ACAP3: variants seen among roughly 807,000 people sequenced by gnomAD.
ACAP3 encodes arf-GAP with coiled-coil, ANK repeat and PH domain-containing protein 3.
A neutral mutation model predicts 104.1 loss-of-function variants in ACAP3; 56 were observed. The ratio of observed to expected loss-of-function variants is 0.54; its 90% CI spans 0.43 to 0.67. The LOEUF is 0.67. Among genes scored for constraint, ACAP3 ranks in the 30% least tolerant of loss-of-function variants. The pLI, the probability that ACAP3 is intolerant of heterozygous loss-of-function variation, is 0.00. For missense variants in ACAP3, 1,208 were observed against 1,174.9 expected, an observed-to-expected ratio of 1.03 and a Z score of -0.41; for synonymous variants, 628 against 496.2, an observed-to-expected ratio of 1.27 and a Z score of -3.53.
At chr1:1,294,672 CCAGGGGCTGGG>C (rs763875739) in intron 20 of ACAP3, 35 bp downstream of exon 20, 114 of 1,543,678 alleles carry the variant, frequency 7.4e-5, no homozygotes, top group Non-Finnish European at 9.7e-5. Flanking sequence ...CCGGGGCTGC[CCAGGGGCTGGG>C]CAGGGGCCTC....
At chr1:1,295,306 C>T in intron 19 of ACAP3, 141 bp downstream of exon 19, 9 of 718,200 alleles carry the variant, frequency 1.3e-5, no homozygotes, top group Non-Finnish European at 2.1e-5. Flanking sequence ...GGGCCTTGGC[C>T]TCCAGCTGTG....
At position 1,296,298 on chromosome 1, in the gene ACAP3, G is replaced by A. The variant is rs1641146830; in HGVS notation, c.1338-18C>T. 6.4e-7 allele frequency: 1 copy of A among 1,552,706 alleles called. No individual in the cohort carries two copies. Among genetic ancestry groups the A allele is most frequent in the Non-Finnish European group, 8.7e-7 (1 of 1,148,412 alleles). On this transcript the variant is annotated intron_variant, in intron 15 of 23. Transcript: ENST00000354700. ...CCAGGCTCCTGGAGAGCAGAGGTAG[G>A]GATGAGTCTGGGGGAGGCAAGGCCC...
intron 5 of ACAP3, 83 bp from the exon 6 acceptor site, chr1:1,300,775 GTTTT>G: frequency 6.9e-7 from 1 of 1,449,696 alleles, no homozygotes; most frequent in Non-Finnish European, 9.4e-7. Flanking sequence ...TTGTTTGTGT[GTTTT>G]TTGTTTTTTG....
Position 1,295,528 on chromosome 1 carries a change from G to A in ACAP3, c.1732C>T (p.Arg578Ter). ...SVGTLDRKFR[R>*]DSLFCPDELD... ...TCGTCGGGACAGAAGAGGGAGTCTC[G>A]GCGGAACTTACGATCCAGGGTGCCC... Residue 578 changes from arginine to a stop codon, truncating the protein, a stop_gained, in exon 19 of 24, where the codon CGA (arginine) becomes TGA (stop). Transcript: ENST00000354700. LOFTEE classifies it high-confidence loss of function. The A allele has an allele frequency of 3.7e-6, 6 of 1,612,618 alleles. No individual in the cohort carries two copies. The highest frequency in any genetic ancestry group is 5.1e-6 in the Non-Finnish European group (6 of 1,179,880).
chr1:1,301,258 CT>C (rs869238177), intron 5 of ACAP3, among the ~76,000 whole-genome samples: 4,502 of 105,406 alleles, frequency 0.043, 85 homozygotes, highest in Admixed American at 0.11. Context: ...TTGGGGGTGT[CT>C]TTTTTTTTTT....
At chr1:1,295,288 G>C (rs1570631173) in intron 19 of ACAP3, among the ~76,000 whole-genome samples, 159 bp downstream of exon 19, 1 of 151,988 alleles carries the variant, frequency 6.6e-6, no homozygotes, top group Non-Finnish European at 1.5e-5. Flanking sequence ...GCTCACCCCT[G>C]ACAGTCAGGG....
rs1043254291 is a variant in ACAP3 at position 1,303,949 on chromosome 1, G to T, written c.105+137C>A. On this transcript the variant is annotated intron_variant, in intron 2 of 23. Transcript: ENST00000354700. This position sits in a 1 kb window ranked among gnomAD's most constrained non-coding sequence, Gnocchi z 4.0. ...TGGAACACACATGCTAAGACACAGG[G>T]ACCAGGACCTGGAGCACCACACGCA... is the stretch of plus-strand genomic sequence containing the variant. 1.9e-5 allele frequency: 19 copies of T among 1,026,412 alleles called. No individual in the cohort carries two copies. In the South Asian group the frequency reaches 2.7e-4, roughly 15 times the overall value. The allele number at this position is 1,026,412 out of a possible 1,614,324, so 63.6% of individuals were successfully genotyped here. A position where few individuals can be genotyped will look rare whatever the true frequency, so the allele number is the denominator to read the frequency against.
In ACAP3 at chr1:1,294,133, C is replaced by G; in HGVS notation, c.2206G>C (p.Gly736Arg). ...GTGGCGTGGTGCAGGGGCGCCCGGC[C>G]CCGGCTGTCTCTTTGGTTCACGTCC... ...GADVNQRDSR[G>R]RAPLHHATLL... The change falls in exon 22 of 24, where the codon GGC becomes CGC. Residue 736 changes from glycine to arginine, a missense_variant. Transcript: ENST00000354700. 1 of 1,593,210 alleles carries G rather than the reference C, an allele frequency of 6.3e-7. No individual in the cohort carries two copies. Among genetic ancestry groups the G allele is most frequent in the African/African-American group, 1.3e-5 (1 of 74,656 alleles).
At chr1:1,296,837 ACC>A (rs1303711885) in intron 14 of ACAP3, among the ~76,000 whole-genome samples, 19 of 146,234 alleles carry the variant, frequency 1.3e-4, no homozygotes, top group African/African-American at 4.7e-4. Context: ...ACACGCGCAC[ACC>A]CTCACGTGGA....
At chr1:1,299,756 T>C (rs772880994) in intron 9 of ACAP3, 75 bp downstream of exon 9, 2 of 1,438,302 alleles carry the variant, frequency 1.4e-6, no homozygotes, top group African/African-American at 1.4e-5. Flanking sequence ...GCGGGGAGGG[T>C]GTGCCGGGCA....
At chr1:1,301,698 C>T in intron 5 of ACAP3, 1 of 287,020 alleles carries the variant, frequency 3.5e-6, no homozygotes, top group Non-Finnish European at 6.4e-6. Context: ...ACCTCACTCT[C>T]AAGATCTGTC....
In ACAP3 at chr1:1,304,131, G is replaced by A. The variant is rs1386102925; in HGVS notation, c.60C>T (p.Asp20=). The A allele has an allele frequency of 5.8e-6, 9 of 1,550,528 alleles. No homozygotes were observed. Among genetic ancestry groups the A allele is most frequent in the Admixed American group, 2.0e-5 (1 of 50,984 alleles). ...TCTCCACCACGTCCGTCTCCACCTC[G>A]TCAATGGTCGCCCTAAAGCAAGAAC... ...KDSPRFRATI[D]EVETDVVEIE... is the part of the protein sequence containing the mutation. Residue 20 remains aspartate, a synonymous_variant, in exon 2 of 24, where the codon GAC becomes GAT. Coordinates refer to ENST00000354700, the MANE Select transcript of ACAP3 (RefSeq NM_030649.3).
intron 19 of ACAP3, among the ~76,000 whole-genome samples, chr1:1,295,220 G>A (rs1021840522): frequency 2.6e-5 from 4 of 152,064 alleles, no homozygotes; most frequent in Admixed American, 6.5e-5. Flanking sequence ...CCAGCACCCC[G>A]GGCCACCCGC....
chr1:1,304,096 T>C lies in ACAP3; in HGVS notation c.95A>G (p.Lys32Arg). 6.4e-7 allele frequency: 1 copy of C among 1,550,714 alleles called. No homozygotes were observed. Among genetic ancestry groups the C allele is most frequent in the South Asian group, 1.2e-5 (1 of 84,068 alleles). ...AGGCCCGCCCTTCACCTTGTCCAGTTTGGCCTCAATCTCCACCACGTCCGT... is the reference window on the plus strand; with the variant it reads ...AGGCCCGCCCTTCACCTTGTCCAGTCTGGCCTCAATCTCCACCACGTCCGT... ...VETDVVEIEA[K>R]LDKLVKLCSG... Residue 32 changes from lysine (K) to arginine (R), a missense_variant, in exon 2 of 24, where the codon AAA becomes AGA. Physicochemically the swap from Lys to Arg is conservative, Grantham distance 26. Coordinates refer to ENST00000354700, the MANE Select transcript of ACAP3 (RefSeq NM_030649.3).
chr1:1,300,271 G>A (rs535919523), intron 6 of ACAP3, 69 bp from the exon 7 acceptor site: 237 of 1,511,090 alleles, frequency 1.6e-4, no homozygotes, highest in Non-Finnish European at 2.0e-4. Flanking sequence ...ACCTGCCATA[G>A]AGTCCACCTG....
Position 1,294,804 on chromosome 1 carries a change from T to A in ACAP3, c.1826A>T (p.Asp609Val). 6.5e-7 allele frequency: 1 copy of A among 1,549,806 alleles called. No homozygotes were observed. The highest frequency in any genetic ancestry group is 8.7e-7 in the Non-Finnish European group (1 of 1,146,700). ...AGAGPRSLSS[D>V]SGLGGSSDGS... ...ATCCGAGCTGCCCCCAAGGCCACTG[T>A]CGCTACTCAGACCTGCAGGTCCGCA... Residue 609 changes from aspartate to valine, a missense_variant, in exon 20 of 24, where the codon GAC (aspartate) becomes GTC (valine). Coordinates refer to ENST00000354700, the MANE Select transcript of ACAP3 (RefSeq NM_030649.3).
At position 1,302,050 on chromosome 1, in the gene ACAP3, G is replaced by A. The variant is rs1191263918; in HGVS notation, c.280-4C>T. Reference sequence around the variant, plus strand: ...TCTGGGCCTGGTCAAACAGGATCTGGGGGCAGAGGCGGGCAGAGATCCTTG... The same window carrying A: ...TCTGGGCCTGGTCAAACAGGATCTGAGGGCAGAGGCGGGCAGAGATCCTTG... On this transcript the variant is annotated splice_polypyrimidine_tract_variant and splice_region_variant and intron_variant, in intron 4 of 23. Transcript: ENST00000354700. The A allele has an allele frequency of 1.3e-6, 2 of 1,543,004 alleles. No homozygotes were observed. The highest frequency in any genetic ancestry group is 2.4e-5 in the East Asian group (1 of 41,498).
At chr1:1,302,328 T>C (rs999147050) in intron 4 of ACAP3, among the ~76,000 whole-genome samples, 3 of 152,036 alleles carry the variant, frequency 2.0e-5, no homozygotes, top group African/African-American at 7.2e-5. Flanking sequence ...CCCCACTGCC[T>C]CCTGGCCCTG....
In ACAP3 at chr1:1,299,857, G is replaced by A. The variant is rs971888985; in HGVS notation, c.712C>T (p.Arg238Ter). 2.6e-6 allele frequency: 4 copies of A among 1,561,834 alleles called. No individual in the cohort carries two copies. Among genetic ancestry groups the A allele is most frequent in the Non-Finnish European group, 3.5e-6 (4 of 1,152,594 alleles). ...DSAVEKREME[R>*]KHAAIQQRTL... ...CGCTGCTGGATGGCGGCGTGCTTTC[G>A]CTCCATCTCACGCTTTTCCACCGCA... Residue 238 changes from arginine (R) to a stop codon, truncating the protein, a stop_gained, in exon 9 of 24, where the codon CGA (arginine) becomes TGA (stop). Coordinates refer to ENST00000354700, the MANE Select transcript of ACAP3 (RefSeq NM_030649.3). LOFTEE classifies it high-confidence loss of function.
Sources: gnomAD v4.1 joint callset for allele counts (sites outside exome capture counted in the v4.1 genomes callset) on GRCh38, gnomAD v4.1.1 for gene constraint, Gnocchi (gnomAD v3.1) non-coding constraint, MANE v1.5 for transcripts, NCBI Gene and HGNC (gene_info 2026-07-23, HGNC 2026-07-21) for gene names.